KCNAB1: variants seen among roughly 807,000 people sequenced by gnomAD.
KCNAB1 encodes potassium voltage-gated channel subfamily A regulatory beta subunit 1, also known as voltage-gated potassium channel subunit beta-1.
In KCNAB1, 35 loss-of-function variants were observed where a neutral mutation model predicts 64.6. The ratio of observed to expected loss-of-function variants is 0.54; its 90% CI spans 0.41 to 0.72. The LOEUF is 0.72. KCNAB1 is among the 30% of genes least tolerant of loss of function. KCNAB1 has a pLI of 0.00. For missense variants in KCNAB1, 401 were observed against 512.9 expected, an observed-to-expected ratio of 0.78 and a Z score of 2.11; for synonymous variants, 177 against 183.8, an observed-to-expected ratio of 0.96 and a Z score of 0.30.
intron 1 of KCNAB1, among the ~76,000 whole-genome samples, chr3:156,366,778 A>G (rs539658870): frequency 6.6e-6 from 1 of 152,322 alleles, no homozygotes; most frequent in East Asian, 1.9e-4. Context: ...TCTGCATCTT[A>G]ATTTTGTCTT....
chr3:156,338,548 G>T (rs1405466170), intron 1 of KCNAB1, among the ~76,000 whole-genome samples: 1 of 151,978 alleles, frequency 6.6e-6, no homozygotes, highest in Non-Finnish European at 1.5e-5. Flanking sequence ...CCGACCTCAG[G>T]TGATCCACCC....
intron 1 of KCNAB1, among the ~76,000 whole-genome samples, chr3:156,139,388 C>T (rs533314840): frequency 6.6e-6 from 1 of 152,224 alleles, no homozygotes; most frequent in East Asian, 1.9e-4. Flanking sequence ...GTTTTAGAAA[C>T]TGCTTTCCTG....
At chr3:156,333,702 A>C (rs1723496957) in intron 1 of KCNAB1, among the ~76,000 whole-genome samples, 1 of 152,336 alleles carries the variant, frequency 6.6e-6, no homozygotes, top group Admixed American at 6.5e-5. Context: ...GCACATTGAC[A>C]AATTATTCTT....
At chr3:156,186,976 C>T (rs373648611) in intron 1 of KCNAB1, among the ~76,000 whole-genome samples, 2 of 151,994 alleles carry the variant, frequency 1.3e-5, no homozygotes, top group African/African-American at 2.4e-5. Flanking sequence ...CTCAGCCTCC[C>T]AAGTAGCTGG....
At chr3:156,302,565 GGCTACA>G (rs1238567219) in intron 1 of KCNAB1, among the ~76,000 whole-genome samples, 1 of 152,142 alleles carries the variant, frequency 6.6e-6, no homozygotes, top group Non-Finnish European at 1.5e-5. Flanking sequence ...CTCTGAGTAA[GGCTACA>G]GCTTGGGTTT....
intron 2 of KCNAB1, among the ~76,000 whole-genome samples, chr3:156,450,651 A>AT (rs1711922493): frequency 1.3e-5 from 2 of 152,052 alleles, no homozygotes; most frequent in South Asian, 2.1e-4. Context: ...TACCCAGGCA[A>AT]TTTTTTCGCT....
At chr3:156,249,955 T>C (rs908661857) in intron 1 of KCNAB1, among the ~76,000 whole-genome samples, 1 of 152,216 alleles carries the variant, frequency 6.6e-6, no homozygotes, top group Non-Finnish European at 1.5e-5. Context: ...AGATCATTAA[T>C]GATTTGACAA....
chr3:156,473,621 T>A (rs1714116644), intron 7 of KCNAB1, among the ~76,000 whole-genome samples: 1 of 152,172 alleles, frequency 6.6e-6, no homozygotes, highest in African/African-American at 2.4e-5. Flanking sequence ...CCTTTCTCAA[T>A]GGATGGAAAA....
intron 1 of KCNAB1, among the ~76,000 whole-genome samples, chr3:156,165,894 G>A (rs1304462534): frequency 6.6e-6 from 1 of 152,068 alleles, no homozygotes; most frequent in African/African-American, 2.4e-5. Context: ...TTCTCACAAG[G>A]GCATCTCTGC....
intron 1 of KCNAB1, among the ~76,000 whole-genome samples, chr3:156,209,049 A>G (rs7619020): frequency 0.015 from 2,294 of 152,342 alleles, 68 homozygotes; most frequent in African/African-American, 0.052. Flanking sequence ...GAGGCGTAAG[A>G]TACTATGTTT....
chr3:156,244,271 A>G (rs1000132021), intron 1 of KCNAB1, among the ~76,000 whole-genome samples: 2 of 151,948 alleles, frequency 1.3e-5, no homozygotes, highest in African/African-American at 2.4e-5. Flanking sequence ...TCCTTCTTTT[A>G]TCTTCAAAGT....
chr3:156,371,722 C>G (rs565617485), intron 1 of KCNAB1, among the ~76,000 whole-genome samples: 204 of 152,190 alleles, frequency 1.3e-3, no homozygotes, highest in African/African-American at 4.6e-3. Context: ...ATCTCCCCCT[C>G]AGTTTTTCAG....
chr3:156,254,726 G>A (rs1240603028), intron 1 of KCNAB1, among the ~76,000 whole-genome samples: 1 of 152,208 alleles, frequency 6.6e-6, no homozygotes, highest in Non-Finnish European at 1.5e-5. Context: ...GTTGCTGAGA[G>A]TTAGGCTAGG....
chr3:156,407,466 G>A (rs1300438790), intron 1 of KCNAB1, among the ~76,000 whole-genome samples: 1 of 152,216 alleles, frequency 6.6e-6, no homozygotes, highest in Admixed American at 6.5e-5. Context: ...CCACTAGGAT[G>A]TAAGCCTCAT....
At chr3:156,333,223 C>T (rs1432292509) in intron 1 of KCNAB1, among the ~76,000 whole-genome samples, 1 of 152,030 alleles carries the variant, frequency 6.6e-6, no homozygotes, top group African/African-American at 2.4e-5. Context: ...AAGTTTCCCC[C>T]TTTTGGCTGT....
At chr3:156,230,813 T>C (rs1716475497) in intron 1 of KCNAB1, among the ~76,000 whole-genome samples, 1 of 152,224 alleles carries the variant, frequency 6.6e-6, no homozygotes, top group Admixed American at 6.5e-5. Flanking sequence ...TACATATGAT[T>C]GTGTATCTTC....
rs529227451 is a variant in KCNAB1, at chr3:156,348,449, G to A, written c.276-73167G>A. ...GGGGTGGGACTGACATTTCTTGTCC[G>A]TGGATTGGGCATGAGAGATTGAGAA... On this transcript the variant is annotated intron_variant, in intron 1 of 13. Coordinates refer to ENST00000490337, the MANE Select transcript of KCNAB1 (RefSeq NM_172160.3). Among the ~76,000 whole-genome samples the A allele has an allele frequency of 3.3e-5, 5 of 152,296 alleles. No individual in the cohort carries two copies. The South Asian group carries it at 1.0e-3, about 32-fold the overall frequency.
At chr3:156,368,305 T>A (rs779674546) in intron 1 of KCNAB1, among the ~76,000 whole-genome samples, 37 of 152,202 alleles carry the variant, frequency 2.4e-4, no homozygotes, top group Non-Finnish European at 4.9e-4. Flanking sequence ...CAGTTCTCTG[T>A]GCCCCCAAAA....
chr3:156,432,692 C>T (rs1034217024), intron 2 of KCNAB1, among the ~76,000 whole-genome samples: 7 of 152,306 alleles, frequency 4.6e-5, no homozygotes, highest in Admixed American at 2.6e-4. Flanking sequence ...TTCATAGTCT[C>T]TTACTTTGCC....
Sources: allele counts gnomAD v4.1 joint callset (sites outside exome capture counted in the v4.1 genomes callset), GRCh38; gene constraint gnomAD v4.1.1; transcripts MANE v1.5; gene names NCBI Gene and HGNC (gene_info 2026-07-23, HGNC 2026-07-21).